Variants in SEMA6D observed in about 807,000 individuals in gnomAD.
SEMA6D encodes semaphorin-6D.
SEMA6D carries 35 observed loss-of-function variants against 106.6 expected under a neutral mutation model. The observed-to-expected ratio is 0.33, with a 90% CI of 0.25 to 0.44. The LOEUF is 0.44. Ranked by LOEUF, SEMA6D falls within the 20% of genes least tolerant of loss-of-function variation. The pLI is 1.00. For missense variants in SEMA6D, 1,185 were observed against 1,345.9 expected, an observed-to-expected ratio of 0.88 and a Z score of 1.87; for synonymous variants, 499 against 487.7, an observed-to-expected ratio of 1.02 and a Z score of -0.31.
intron 1 of SEMA6D, among the ~76,000 whole-genome samples, chr15:47,248,099 T>G (rs74013760): frequency 0.16 from 24,431 of 152,144 alleles, 3,282 homozygotes; most frequent in East Asian, 0.67. Context: ...AACTGAAGCA[T>G]CATTACCTAA....
chr15:47,581,231 G>A (rs892172547), intron 3 of SEMA6D: 1 of 395,844 alleles, frequency 2.5e-6, no homozygotes, highest in Non-Finnish European at 4.9e-6. Flanking sequence ...TGTCCCTGAT[G>A]AAGTTTTTGC....
At chr15:47,675,061 G>A (rs911984466) in intron 4 of SEMA6D, among the ~76,000 whole-genome samples, 21 of 152,310 alleles carry the variant, frequency 1.4e-4, no homozygotes, top group African/African-American at 4.6e-4. Flanking sequence ...AGAGGTGTTC[G>A]ATCCAGGAGT....
chr15:47,244,476 A>T lies in SEMA6D; in HGVS notation c.-239+60058A>T, dbSNP rs183447723. ...TGTTATAAAGCAACTTACAGATATG[A>T]TCTCATTTAATCCTCAGAACAATGT... On this transcript the variant is annotated intron_variant, in intron 1 of 19. Transcript: ENST00000558014. Among the ~76,000 whole-genome samples the T allele has an allele frequency of 4.6e-5, 7 of 152,292 alleles. No individual in the cohort carries two copies. In the East Asian group the frequency reaches 1.2e-3, roughly 25 times the overall value.
intron 3 of SEMA6D, among the ~76,000 whole-genome samples, chr15:47,538,566 T>G (rs908180576): frequency 4.9e-4 from 74 of 152,342 alleles, no homozygotes; most frequent in Non-Finnish European, 1.0e-4. Context: ...ACGAATTATC[T>G]GTACCAGAAT....
intron 3 of SEMA6D, among the ~76,000 whole-genome samples, chr15:47,568,596 C>T (rs2046295847): frequency 6.6e-6 from 1 of 152,112 alleles, no homozygotes; most frequent in Non-Finnish European, 1.5e-5. Flanking sequence ...TTAATAATTA[C>T]ATCTCAGGTA....
At chr15:47,202,400 G>A (rs549520861) in intron 1 of SEMA6D, among the ~76,000 whole-genome samples, 45 of 152,000 alleles carry the variant, frequency 3.0e-4, no homozygotes, top group African/African-American at 1.1e-3. Flanking sequence ...TTTAACTGGT[G>A]TATGGCCTTC....
intron 3 of SEMA6D, among the ~76,000 whole-genome samples, chr15:47,592,548 C>T (rs935533578): frequency 1.3e-5 from 2 of 152,098 alleles, no homozygotes; most frequent in East Asian, 1.9e-4. Context: ...ATGATCATGG[C>T]GTGAGTTTCT....
intron 1 of SEMA6D, among the ~76,000 whole-genome samples, chr15:47,755,223 C>T (rs942292719): frequency 5.3e-5 from 8 of 152,050 alleles, no homozygotes; most frequent in East Asian, 1.9e-4. Flanking sequence ...GTATTACAGG[C>T]GTGAGCCACC....
chr15:47,764,108 T>C, intron 10 of SEMA6D, 41 bp downstream of exon 10: 1 of 1,612,916 alleles, frequency 6.2e-7, no homozygotes, highest in Non-Finnish European at 8.5e-7. Context: ...ATTCTCTGCA[T>C]GCCTGTCAGA....
chr15:47,196,395 A>G (rs968730377), intron 1 of SEMA6D, among the ~76,000 whole-genome samples: 1 of 152,096 alleles, frequency 6.6e-6, no homozygotes, highest in Admixed American at 6.6e-5. Context: ...TTTGGATATT[A>G]TATCCCTTGG....
At chr15:47,277,756 T>TC (rs1433346497) in intron 1 of SEMA6D, among the ~76,000 whole-genome samples, 1 of 151,748 alleles carries the variant, frequency 6.6e-6, no homozygotes, top group South Asian at 2.1e-4. Context: ...ATGCTATTCC[T>TC]CCCCCCTCCC....
intron 3 of SEMA6D, among the ~76,000 whole-genome samples, chr15:47,490,705 C>T (rs1050766315): frequency 5.9e-5 from 9 of 152,056 alleles, no homozygotes; most frequent in African/African-American, 1.7e-4. Context: ...TGTAAACATA[C>T]AGCTGACAAA....
intron 4 of SEMA6D, among the ~76,000 whole-genome samples, chr15:47,705,928 T>C (rs1340786820): frequency 1.3e-5 from 2 of 152,234 alleles, no homozygotes; most frequent in Non-Finnish European, 2.9e-5. Context: ...TTCTCCAGAA[T>C]GAAGACTGCT....
At chr15:47,446,003 T>C (rs965581673) in intron 2 of SEMA6D, among the ~76,000 whole-genome samples, 1 of 152,146 alleles carries the variant, frequency 6.6e-6, no homozygotes, top group African/African-American at 2.4e-5. Context: ...TTCTCTTCCC[T>C]TCCCCCTCAA....
chr15:47,552,070 A>T (rs968922950), intron 3 of SEMA6D, among the ~76,000 whole-genome samples: 8 of 152,130 alleles, frequency 5.3e-5, no homozygotes, highest in Non-Finnish European at 1.5e-5. Context: ...ACATATGTTC[A>T]TCACAGCGCT....
chr15:47,343,682 G>C (rs186334166), intron 1 of SEMA6D, among the ~76,000 whole-genome samples: 5 of 152,220 alleles, frequency 3.3e-5, no homozygotes, highest in Non-Finnish European at 7.3e-5. Flanking sequence ...TTGGTTCCAA[G>C]TCTTTGCTAT....
chr15:47,471,776 G>C (rs545148635), intron 3 of SEMA6D, among the ~76,000 whole-genome samples: 3 of 152,226 alleles, frequency 2.0e-5, no homozygotes, highest in African/African-American at 7.2e-5. Context: ...GGAAGAGAGC[G>C]AGGCATGTCT....
At chr15:47,229,959 T>C (rs1255190774) in intron 1 of SEMA6D, among the ~76,000 whole-genome samples, 2 of 152,134 alleles carry the variant, frequency 1.3e-5, no homozygotes, top group Non-Finnish European at 2.9e-5. Flanking sequence ...AGCTTTTTAG[T>C]ATAAACCTGT....
intron 1 of SEMA6D, among the ~76,000 whole-genome samples, chr15:47,738,820 A>G (rs978993853): frequency 6.6e-6 from 1 of 152,124 alleles, no homozygotes; most frequent in Non-Finnish European, 1.5e-5. Context: ...TCACTACTCT[A>G]TGTAGTATCA....
Sources: allele counts gnomAD v4.1 joint callset (sites outside exome capture counted in the v4.1 genomes callset), GRCh38; gene constraint gnomAD v4.1.1; transcripts MANE v1.5; gene names NCBI Gene and HGNC (gene_info 2026-07-23, HGNC 2026-07-21).